PSMA8: variants seen among roughly 807,000 people sequenced by gnomAD.
The protein encoded by PSMA8 is proteasome subunit alpha-type 8.
Under a neutral mutation model 32.4 loss-of-function variants are expected in PSMA8, and 18 were observed. The ratio of observed to expected loss-of-function variants is 0.56; its 90% CI spans 0.38 to 0.82. The LOEUF (loss-of-function observed/expected upper bound fraction) is 0.82. Ranked by LOEUF, PSMA8 falls within the 40% of genes least tolerant of loss-of-function variation. PSMA8 has a pLI of 0.00. For synonymous variants in PSMA8, 104 were observed against 98.1 expected (o/e 1.06, Z -0.36); for missense variants, 298 against 300.7 (o/e 0.99, Z 0.07).
At chr18:26,142,768 G>A (rs1484656162) in intron 1 of PSMA8, among the ~76,000 whole-genome samples, 1 of 152,128 alleles carries the variant, frequency 6.6e-6, no homozygotes, top group Non-Finnish European at 1.5e-5. Context: ...GTCCTCACAT[G>A]GTGGAAAGCG....
chr18:26,182,979 C>T (rs761070372), intron 6 of PSMA8, among the ~76,000 whole-genome samples: 16 of 151,752 alleles, frequency 1.1e-4, no homozygotes, highest in Non-Finnish European at 4.4e-5. Flanking sequence ...GTAATCCCAG[C>T]TACTTAGGAG....
chr18:26,150,101 T>G (rs1042939586), intron 2 of PSMA8, among the ~76,000 whole-genome samples: 21 of 152,182 alleles, frequency 1.4e-4, no homozygotes, highest in Non-Finnish European at 1.3e-4. Context: ...CATTGGAGCC[T>G]TTTGGATTTT....
At chr18:26,170,121 TA>T (rs1012489133) in intron 4 of PSMA8, among the ~76,000 whole-genome samples, 1 of 104,312 alleles carries the variant, frequency 9.6e-6, no homozygotes, top group Non-Finnish European at 1.7e-5. Context: ...TTGCTTTTCT[TA>T]CCTTCTCAGT....
intron 1 of PSMA8, among the ~76,000 whole-genome samples, chr18:26,134,485 G>C (rs1052995730): frequency 1.3e-5 from 2 of 152,076 alleles, no homozygotes; most frequent in African/African-American, 2.4e-5. Context: ...GTAGTTCAGA[G>C]ACCCCTGGAA....
Position 26,158,121 on chromosome 18 carries a change from G to A in PSMA8, c.355-1G>A, listed in dbSNP as rs1341420483. Reference sequence around the variant, plus strand: ...TCTAAAAATACGTTTTATTTTTCTAGAAATATACCCAAAGCAATGGACGAA... The same window carrying A: ...TCTAAAAATACGTTTTATTTTTCTAAAAATATACCCAAAGCAATGGACGAA... On this transcript the variant is annotated splice_acceptor_variant, in intron 3 of 6. Coordinates refer to ENST00000415576, the MANE Select transcript of PSMA8 (RefSeq NM_001025096.2). LOFTEE classifies it high-confidence loss of function. 5.1e-6 allele frequency: 8 copies of A among 1,567,604 alleles called. No homozygotes were observed. The highest frequency in any genetic ancestry group is 6.9e-6 in the Non-Finnish European group (8 of 1,154,044).
intron 3 of PSMA8, among the ~76,000 whole-genome samples, chr18:26,153,757 G>C (rs148228816): frequency 1.5e-3 from 235 of 152,022 alleles, no homozygotes; most frequent in African/African-American, 5.5e-3. Context: ...TTCCTACTTT[G>C]CCTTTAATTT....
At chr18:26,157,898 T>C (rs954958461) in intron 3 of PSMA8, among the ~76,000 whole-genome samples, 1 of 152,170 alleles carries the variant, frequency 6.6e-6, no homozygotes, top group African/African-American at 2.4e-5. Flanking sequence ...ATTTTAAGAC[T>C]ATATGTAAAT....
chr18:26,159,736 A>C (rs56207535), intron 4 of PSMA8, among the ~76,000 whole-genome samples: 1 of 151,946 alleles, frequency 6.6e-6, no homozygotes. Context: ...TTTGTTGATC[A>C]TCTTGGTCTG....
At chr18:26,143,684 C>G (rs2054977544) in intron 1 of PSMA8, among the ~76,000 whole-genome samples, 1 of 152,046 alleles carries the variant, frequency 6.6e-6, no homozygotes, top group Non-Finnish European at 1.5e-5. Flanking sequence ...TGACTGCTGT[C>G]ACTCATGGAT....
chr18:26,183,454 A>T (rs2055328816), intron 6 of PSMA8, among the ~76,000 whole-genome samples: 1 of 150,746 alleles, frequency 6.6e-6, no homozygotes, highest in African/African-American at 2.5e-5. Context: ...GAATAAGTTG[A>T]TTCCAACCCT....
intron 4 of PSMA8, among the ~76,000 whole-genome samples, chr18:26,174,449 A>T (rs2055248796): frequency 6.6e-6 from 1 of 152,218 alleles, no homozygotes; most frequent in Non-Finnish European, 1.5e-5. Flanking sequence ...TTTACTGTGT[A>T]TTTCTTGAAA....
intron 4 of PSMA8, among the ~76,000 whole-genome samples, chr18:26,172,351 A>G (rs2055228969): frequency 6.6e-6 from 1 of 152,208 alleles, no homozygotes; most frequent in Non-Finnish European, 1.5e-5. Flanking sequence ...GCAACTACTA[A>G]ACTTTACCAT....
chr18:26,190,004 A>G (rs551774581), intron 6 of PSMA8, among the ~76,000 whole-genome samples: 4 of 152,310 alleles, frequency 2.6e-5, no homozygotes, highest in Non-Finnish European at 4.4e-5. Flanking sequence ...AATAACATGG[A>G]TGGAACTGGA....
Position 26,171,221 on chromosome 18 carries a change from G to T in PSMA8, c.478-7609G>T. The T allele has an allele frequency of 1.9e-6, 3 of 1,559,068 alleles. 1 individual carries two copies. Among genetic ancestry groups the T allele is most frequent in the Admixed American group, 3.6e-5 (2 of 54,868 alleles). The stretch of plus-strand genomic sequence containing the variant: ...CATTCCTGAGCGGTGGCCAGGGCAG[G>T]TCCCCGTTCTTGCCGATGCCCATGT... On this transcript the variant is annotated intron_variant, in intron 4 of 6. Transcript: ENST00000415576.
intron 1 of PSMA8, among the ~76,000 whole-genome samples, chr18:26,137,278 T>A (rs553673807): frequency 2.9e-4 from 44 of 152,162 alleles, no homozygotes; most frequent in African/African-American, 1.0e-3. Context: ...GCCAACATGG[T>A]GATGCCCCAT....
At chr18:26,140,230 C>T in intron 1 of PSMA8, 1 of 674,802 alleles carries the variant, frequency 1.5e-6, no homozygotes, top group Non-Finnish European at 2.7e-6. Flanking sequence ...CCTAGGTCAG[C>T]AGGCAGGCTG....
intron 2 of PSMA8, among the ~76,000 whole-genome samples, chr18:26,149,408 C>A (rs780660427): frequency 1.3e-5 from 2 of 152,108 alleles, no homozygotes; most frequent in Non-Finnish European, 2.9e-5. Context: ...AATGTCATCC[C>A]TAACAAAATT....
chr18:26,174,348 C>G (rs2055248080), intron 4 of PSMA8, among the ~76,000 whole-genome samples: 2 of 152,134 alleles, frequency 1.3e-5, no homozygotes, highest in South Asian at 2.1e-4. Context: ...TTAAAATATT[C>G]TTCCTTTCAC....
intron 4 of PSMA8, among the ~76,000 whole-genome samples, chr18:26,175,716 A>G (rs1419021590): frequency 6.6e-6 from 1 of 152,242 alleles, no homozygotes; most frequent in Non-Finnish European, 1.5e-5. Flanking sequence ...TTTATCTCCT[A>G]ACAACAAAGA....
Sources: gnomAD v4.1 joint callset for allele counts (sites outside exome capture counted in the v4.1 genomes callset) on GRCh38, gnomAD v4.1.1 for gene constraint, MANE v1.5 for transcripts, NCBI Gene and HGNC (gene_info 2026-07-23, HGNC 2026-07-21) for gene names.